Variants in SAMSN1 observed in about 807,000 individuals in gnomAD.
SAMSN1 encodes SAM domain, SH3 domain and nuclear localization signals 1.
SAMSN1 carries 31 observed loss-of-function variants against 42.0 expected under a neutral mutation model. That is an observed-to-expected ratio of 0.74 (90% confidence interval 0.55 to 1.00). SAMSN1 has a LOEUF of 1.00. Ranked by LOEUF, SAMSN1 falls within the 50% of genes least tolerant of loss-of-function variation. The pLI, the probability that SAMSN1 is intolerant of heterozygous loss-of-function variation, is 0.00. For missense variants in SAMSN1, 464 were observed against 439.4 expected (o/e 1.06, Z -0.50); for synonymous variants, 178 against 151.9 (o/e 1.17, Z -1.26).
chr21:14,622,255 G>A (rs1297468878), intron 2 of SAMSN1, among the ~76,000 whole-genome samples: 1 of 152,246 alleles, frequency 6.6e-6, no homozygotes, highest in Non-Finnish European at 1.5e-5. Context: ...GCCAGCAATG[G>A]AACAAAGCTG....
At chr21:14,583,919 A>G (rs1039367166), upstream of SAMSN1, 4 of 553,714 alleles carry the variant, frequency 7.2e-6, no homozygotes, top group Non-Finnish European at 6.4e-6. Flanking sequence ...ACTAACTTGA[A>G]AGCACACCAT....
At chr21:14,625,341 C>T (rs2123351204) in intron 2 of SAMSN1, among the ~76,000 whole-genome samples, 1 of 152,152 alleles carries the variant, frequency 6.6e-6, no homozygotes, top group South Asian at 2.1e-4. Flanking sequence ...TCAAATTGTC[C>T]CTGTTTGCAG....
At chr21:14,573,734 A>G (rs1981376415) in intron 2 of SAMSN1, among the ~76,000 whole-genome samples, 1 of 152,132 alleles carries the variant, frequency 6.6e-6, no homozygotes, top group South Asian at 2.1e-4. Flanking sequence ...GACAGCAAGG[A>G]TCTTAAAAAT....
intron 2 of SAMSN1, among the ~76,000 whole-genome samples, chr21:14,627,134 G>T (rs1983200449): frequency 6.6e-6 from 1 of 152,068 alleles, no homozygotes; most frequent in Non-Finnish European, 1.5e-5. Context: ...TCATGGGGTG[G>T]GGGTAGGGGG....
chr21:14,617,929 A>G (rs568144804), intron 2 of SAMSN1, among the ~76,000 whole-genome samples: 80 of 152,362 alleles, frequency 5.3e-4, no homozygotes, highest in African/African-American at 1.8e-3. Context: ...TTGTTAATAC[A>G]ATTAGGTATG....
chr21:14,521,485 AT>A (rs1471164810), intron 1 of SAMSN1, among the ~76,000 whole-genome samples: 4 of 152,186 alleles, frequency 2.6e-5, no homozygotes, highest in Non-Finnish European at 5.9e-5. Context: ...ATTATTTTAA[AT>A]TTTTTATTTT....
intron 1 of SAMSN1, among the ~76,000 whole-genome samples, chr21:14,647,275 T>A (rs1271093259): frequency 1.3e-5 from 2 of 152,078 alleles, no homozygotes; most frequent in Non-Finnish European, 2.9e-5. Context: ...TTCTCAGGTT[T>A]GTCAAAGATC....
intron 2 of SAMSN1, among the ~76,000 whole-genome samples, chr21:14,623,251 T>C (rs1781967476): frequency 6.6e-6 from 1 of 152,174 alleles, no homozygotes; most frequent in South Asian, 2.1e-4. Context: ...AATGGCAGGA[T>C]CAAATTCACA....
intron 1 of SAMSN1, among the ~76,000 whole-genome samples, chr21:14,528,168 A>G (rs746669935): frequency 1.3e-5 from 2 of 152,158 alleles, no homozygotes; most frequent in Non-Finnish European, 2.9e-5. Context: ...ACTATCGTGA[A>G]CTGCTCAATT....
In SAMSN1 at chr21:14,591,452, G is replaced by T. The variant is rs1031744038; in HGVS notation, c.465+2561C>A. 3 of 152,128 alleles carry T rather than the reference G, an allele frequency of 2.0e-5. No homozygotes were observed. Among genetic ancestry groups the T allele is most frequent in the Non-Finnish European group, 4.4e-5 (3 of 68,012 alleles). The allele number at this position is 152,128 out of a possible 1,614,324, so 9.4% of individuals were successfully genotyped here. Reference sequence around the variant, plus strand: ...AAAATAGTCATCTGTTTCTGTTCCTGTCCCCCTCACTGCAAGGTGATTTCT... The same window carrying T: ...AAAATAGTCATCTGTTTCTGTTCCTTTCCCCCTCACTGCAAGGTGATTTCT... On this transcript the variant is annotated intron_variant, in intron 7 of 15. Transcript: ENST00000647101.
At chr21:14,576,586 T>C (rs1053235085) in intron 2 of SAMSN1, among the ~76,000 whole-genome samples, 1 of 152,214 alleles carries the variant, frequency 6.6e-6, no homozygotes, top group Non-Finnish European at 1.5e-5. Flanking sequence ...CTTTTGTTAC[T>C]CTATTTATTG....
At chr21:14,501,676 A>G (rs1987158830) in intron 5 of SAMSN1, among the ~76,000 whole-genome samples, 1 of 146,432 alleles carries the variant, frequency 6.8e-6, no homozygotes, top group South Asian at 2.6e-4. Flanking sequence ...CATCTAAAAT[A>G]AAGAAATTTT....
At chr21:14,599,982 TA>T (rs1982385925) in intron 6 of SAMSN1, among the ~76,000 whole-genome samples, 1 of 152,160 alleles carries the variant, frequency 6.6e-6, no homozygotes, top group Non-Finnish European at 1.5e-5. Context: ...TATTGTCACA[TA>T]AAAATACCAC....
chr21:14,525,008 A>C (rs1002561256), intron 1 of SAMSN1, among the ~76,000 whole-genome samples: 2 of 152,230 alleles, frequency 1.3e-5, no homozygotes, highest in African/African-American at 4.8e-5. Context: ...CCTTTCCTGT[A>C]TGAAACCTAT....
chr21:14,529,799 T>C (rs562820423), intron 1 of SAMSN1, among the ~76,000 whole-genome samples: 8 of 152,352 alleles, frequency 5.3e-5, no homozygotes, highest in African/African-American at 1.4e-4. Flanking sequence ...CATTCATTCA[T>C]TTACAAATAC....
intron 2 of SAMSN1, among the ~76,000 whole-genome samples, chr21:14,563,398 T>C (rs571314276): frequency 5.9e-5 from 9 of 152,312 alleles, no homozygotes; most frequent in East Asian, 1.9e-4. Context: ...AATTACACAA[T>C]GATATTATTA....
At chr21:14,574,641 A>G (rs539362509) in intron 2 of SAMSN1, among the ~76,000 whole-genome samples, 16 of 152,304 alleles carry the variant, frequency 1.1e-4, no homozygotes, top group African/African-American at 3.6e-4. Flanking sequence ...TCAAAAGTCT[A>G]TTTTAATATT....
At chr21:14,594,915 G>C in intron 6 of SAMSN1, among the ~76,000 whole-genome samples, 1 of 152,296 alleles carries the variant, frequency 6.6e-6, no homozygotes, top group African/African-American at 2.4e-5. Context: ...TCTACAGGCT[G>C]TACAAGAAAC....
intron 6 of SAMSN1, among the ~76,000 whole-genome samples, chr21:14,601,388 A>C (rs191856997): frequency 7.7e-4 from 117 of 152,330 alleles, no homozygotes; most frequent in Non-Finnish European, 1.1e-3. Context: ...TTTATAATTC[A>C]TATGCTATGT....
Sources: gnomAD v4.1 joint callset for allele counts (sites outside exome capture counted in the v4.1 genomes callset) on GRCh38, gnomAD v4.1.1 for gene constraint, MANE v1.5 for transcripts, NCBI Gene and HGNC (gene_info 2026-07-23, HGNC 2026-07-21) for gene names.